TLN1: variants seen among roughly 807,000 people sequenced by gnomAD.
TLN1 encodes talin 1, also known as talin-1.
In TLN1, 56 loss-of-function variants were observed where a neutral mutation model predicts 292.3. That is an observed-to-expected ratio of 0.19 (90% CI 0.15 to 0.24). The LOEUF is 0.24. TLN1 is among the 10% of genes least tolerant of loss of function. TLN1 has a pLI of 1.00. For missense variants in TLN1, 2,433 were observed against 3,248.2 expected, an observed-to-expected ratio of 0.75 and a Z score of 6.10; for synonymous variants, 1,119 against 1,253.7, an observed-to-expected ratio of 0.89 and a Z score of 2.27.
Position 35,711,094 on chromosome 9 carries a change from A to G in TLN1, c.4020-12T>C. ...TGTCAGTTACTGCCCTGGGAGTGAC[A>G]GAAAGTTGAGTGAAAAGGTGAATAG... is the stretch of plus-strand genomic sequence containing the variant. On this transcript the variant is annotated splice_polypyrimidine_tract_variant and intron_variant, in intron 30 of 56. Transcript: ENST00000314888. 1 of 1,614,054 alleles carries G rather than the reference A, an allele frequency of 6.2e-7. No individual in the cohort carries two copies. Among genetic ancestry groups the G allele is most frequent in the Non-Finnish European group, 8.5e-7 (1 of 1,179,896 alleles).
At chr9:35,725,112 G>C in intron 3 of TLN1, 112 bp downstream of exon 3, 1 of 1,530,674 alleles carries the variant, frequency 6.5e-7, no homozygotes, top group Non-Finnish European at 9.0e-7. Context: ...TTAATAGGAA[G>C]AAAGCATGGG....
intron 21 of TLN1, 56 bp downstream of exon 21, chr9:35,715,003 A>T (rs1442098032): frequency 1.9e-6 from 3 of 1,611,844 alleles, no homozygotes; most frequent in African/African-American, 1.3e-5. Context: ...CTTTCAGTTC[A>T]TTCCTCCCAC....
chr9:35,711,786 G>A lies in TLN1; in HGVS notation c.3688C>T (p.Pro1230Ser). Reference sequence around the variant, plus strand: ...GCTTCTTGAAATGTCCCAGTGCTAGGAGGAAGCTGCAAGGTGAGAGGGGAA... The same window carrying A: ...GCTTCTTGAAATGTCCCAGTGCTAGAAGGAAGCTGCAAGGTGAGAGGGGAA... ...SKRLLSDSLP[P>S]STGTFQEAQS... The change falls in exon 29 of 57, where the codon CCT becomes TCT. Residue 1230 changes from proline to serine, a missense_variant. By Grantham distance (74) the Pro-to-Ser change is moderately conservative. Coordinates refer to ENST00000314888, the MANE Select transcript of TLN1 (RefSeq NM_006289.4). The A allele has an allele frequency of 6.2e-7, 1 of 1,614,044 alleles. No individual in the cohort carries two copies. Among genetic ancestry groups the A allele is most frequent in the Non-Finnish European group, 8.5e-7 (1 of 1,180,034 alleles).
chr9:35,707,146 G>C lies in TLN1; in HGVS notation c.4881C>G (p.Pro1627=). 6.2e-7 allele frequency: 1 copy of C among 1,610,392 alleles called. No individual in the cohort carries two copies. The highest frequency in any genetic ancestry group is 1.1e-5 in the South Asian group (1 of 90,892). The change falls in exon 37 of 57, where the codon CCC becomes CCG. Residue 1627 remains proline (P), a synonymous_variant. Transcript: ENST00000314888. The surrounding 1 kb of genome is among the most constrained non-coding windows in gnomAD (Gnocchi z 5.6). ...ARALAVNPRD[P]PSWSVLAGHS... ...GGCCGGCCAGCACCGACCAGCTCGG[G>C]GGGTCCCGGGGATTGACTGCGAGGG... is the stretch of plus-strand genomic sequence containing the variant.
chr9:35,728,510 C>T (rs1826016596), intron 1 of TLN1, among the ~76,000 whole-genome samples: 1 of 152,120 alleles, frequency 6.6e-6, no homozygotes. Flanking sequence ...ACAGCCCCTC[C>T]ATACTCAAAT....
At chr9:35,725,167 G>A (rs1825948299) in intron 3 of TLN1, 57 bp downstream of exon 3, 2 of 1,589,562 alleles carry the variant, frequency 1.3e-6, no homozygotes, top group African/African-American at 1.3e-5. Flanking sequence ...ACAGGAGGTG[G>A]AACAGGGAGA....
At position 35,724,655 on chromosome 9, in the gene TLN1, C is replaced by G. The variant is rs1168373512; in HGVS notation, c.428G>C (p.Gly143Ala). Residue 143 changes from glycine (G) to alanine (A), a missense_variant, in exon 5 of 57, where the codon GGG becomes GCG. This residue lies in a region of TLN1 where 155 missense variants were observed against 287.9 expected (regional missense o/e 0.54). Transcript: ENST00000314888. This position sits in a 1 kb window ranked among gnomAD's most constrained non-coding sequence, Gnocchi z 4.7. ...LMEEKKEEIT[G>A]TLRKDKTLLR... ...CAATGTCTTGTCCTTTCTTAAGGTCCCTGTTATTTCCTCCTTTTTCTCTTC... is the reference window on the plus strand; with the variant it reads ...CAATGTCTTGTCCTTTCTTAAGGTCGCTGTTATTTCCTCCTTTTTCTCTTC... 1 of 1,614,120 alleles carries G rather than the reference C, an allele frequency of 6.2e-7. No homozygotes were observed. The highest frequency in any genetic ancestry group is 1.1e-5 in the South Asian group (1 of 91,076).
intron 1 of TLN1, among the ~76,000 whole-genome samples, chr9:35,731,596 C>T (rs1158934623): frequency 6.6e-6 from 1 of 152,150 alleles, no homozygotes; most frequent in Non-Finnish European, 1.5e-5. Context: ...ACCCTGAACT[C>T]AAATTATGAC....
chr9:35,717,009 T>C lies in TLN1; in HGVS notation c.2458+137A>G, dbSNP rs988226536. On this transcript the variant is annotated intron_variant, in intron 19 of 56. Coordinates refer to ENST00000314888, the MANE Select transcript of TLN1 (RefSeq NM_006289.4). The surrounding 1 kb of genome is among the most constrained non-coding windows in gnomAD (Gnocchi z 4.7). ...GTTCAGAGAGCTTTAATGATGAGCC[T>C]ATGGTTGTGTGGCTGGCAAGCCCAC... is the stretch of plus-strand genomic sequence containing the variant. 114 of 933,544 alleles carry C rather than the reference T, an allele frequency of 1.2e-4. 1 individual carries two copies. In the South Asian group the frequency reaches 2.0e-3, roughly 16 times the overall value. 57.8% of individuals were successfully genotyped at this position (933,544 alleles called of 1,614,324 possible).
At chr9:35,712,610 T>G (rs1167310051) in intron 27 of TLN1, among the ~76,000 whole-genome samples, 1 of 144,924 alleles carries the variant, frequency 6.9e-6, no homozygotes, top group Non-Finnish European at 1.5e-5. Flanking sequence ...ATTGCGCCAT[T>G]GCACTCCAGC....
In TLN1 at chr9:35,704,517, A is replaced by G. The variant is rs964574239; in HGVS notation, c.5881-19T>C. The G allele has an allele frequency of 2.5e-6, 4 of 1,596,142 alleles. No individual in the cohort carries two copies. The highest frequency in any genetic ancestry group is 1.3e-5 in the African/African-American group (1 of 74,648). On this transcript the variant is annotated intron_variant, in intron 44 of 56. Coordinates refer to ENST00000314888, the MANE Select transcript of TLN1 (RefSeq NM_006289.4). The surrounding 1 kb of genome is among the most constrained non-coding windows in gnomAD (Gnocchi z 6.9). ...GGGAGACCTGGGTAGGGAATGTCACATGGTGACTGTGGAAGGTGCCATGTG... is the reference window on the plus strand; with the variant it reads ...GGGAGACCTGGGTAGGGAATGTCACGTGGTGACTGTGGAAGGTGCCATGTG...
chr9:35,707,465 C>G lies in TLN1; in HGVS notation c.4656G>C (p.Glu1552Asp), dbSNP rs754832772. 4 of 1,614,048 alleles carry G rather than the reference C, an allele frequency of 2.5e-6. No homozygotes were observed. The African/African-American group carries it at 5.3e-5, about 22-fold the overall frequency. The change falls in exon 36 of 57, where the codon GAG (glutamate) becomes GAC (aspartate). Residue 1552 changes from glutamate (E) to aspartate (D), a missense_variant. Physicochemically the swap from Glu to Asp is conservative, Grantham distance 45 (BLOSUM62 2). Around this residue, in one of 7 missense-constraint regions of TLN1, gnomAD observed 1,384 missense variants for 1,699.6 expected, o/e 0.81. Coordinates refer to ENST00000314888, the MANE Select transcript of TLN1 (RefSeq NM_006289.4). The surrounding 1 kb of genome is among the most constrained non-coding windows in gnomAD (Gnocchi z 5.6). ...CTGCTCGGCACTGGGCACGGTTCTC[C>G]TCTGTGAAGGCCCCATCTAGCGCCT... ...TIKALDGAFT[E>D]ENRAQCRAAT... is the part of the protein sequence containing the mutation.
In TLN1 at chr9:35,700,193, T is replaced by C. The variant is rs1260409827; in HGVS notation, c.6658A>G (p.Lys2220Glu). The C allele has an allele frequency of 3.1e-6, 5 of 1,599,474 alleles. No individual in the cohort carries two copies. The Admixed American group carries it at 6.7e-5, about 21-fold the overall frequency. Residue 2220 changes from lysine (K) to glutamate (E), a missense_variant and splice_region_variant, in exon 49 of 57, where the codon AAG becomes GAG. Coordinates refer to ENST00000314888, the MANE Select transcript of TLN1 (RefSeq NM_006289.4). ...RAIADMLRACKEAAYHPEVAP... is the reference protein window; with the variant it reads ...RAIADMLRACEEAAYHPEVAP... The stretch of plus-strand genomic sequence containing the variant: ...GGAAATGCCTCAAGGATTTCTACCT[T>C]GCAAGCCCGAAGCATATCTGCAATA...
intron 9 of TLN1, 75 bp downstream of exon 9, chr9:35,722,044 G>A: frequency 1.4e-6 from 2 of 1,419,588 alleles, no homozygotes; most frequent in Non-Finnish European, 2.0e-6. Flanking sequence ...CTGAGGGCAA[G>A]GCCAGAGACT....
intron 1 of TLN1, among the ~76,000 whole-genome samples, chr9:35,731,830 C>T (rs1478740980): frequency 6.6e-6 from 1 of 152,138 alleles, no homozygotes; most frequent in African/African-American, 2.4e-5. Context: ...CGCCCTGCGC[C>T]CCGCTGCCAC....
At chr9:35,713,439 G>A (rs1054104933) in intron 25 of TLN1, 141 bp from the exon 26 acceptor site, 25 of 620,670 alleles carry the variant, frequency 4.0e-5, no homozygotes, top group African/African-American at 2.7e-4. Flanking sequence ...ATCCTAGCAC[G>A]TTGGGAGGCT....
In TLN1 at chr9:35,719,737, T is replaced by TA. The variant is rs1254877592; in HGVS notation, c.1578+2dup. On this transcript the variant is annotated splice_region_variant and intron_variant, in intron 14 of 56. Coordinates refer to ENST00000314888, the MANE Select transcript of TLN1 (RefSeq NM_006289.4). The surrounding 1 kb of genome is among the most constrained non-coding windows in gnomAD (Gnocchi z 4.6). ...ACCGGCCTCTCCTCCATCCCATACT[T>TA]ACAGCATCCTGGCCAAGAGGCGGCA... 1 of 1,610,074 alleles carries TA rather than the reference T, an allele frequency of 6.2e-7. No individual in the cohort carries two copies. Among genetic ancestry groups the TA allele is most frequent in the Non-Finnish European group, 8.5e-7 (1 of 1,177,962 alleles).
chr9:35,722,296 C>T, intron 8 of TLN1, 73 bp from the exon 9 acceptor site: 1 of 1,303,994 alleles, frequency 7.7e-7, no homozygotes, highest in Non-Finnish European at 1.1e-6. Flanking sequence ...TGGATGCTAA[C>T]TCTAACGAGA....
At chr9:35,720,733 T>C (rs1427951463) in intron 11 of TLN1, 79 bp downstream of exon 11, 1 of 1,394,512 alleles carries the variant, frequency 7.2e-7, no homozygotes, top group Non-Finnish European at 1.0e-6. Context: ...TCAAGCAATC[T>C]GAGTGCCCAT....
Sources: allele counts gnomAD v4.1 joint callset (sites outside exome capture counted in the v4.1 genomes callset), GRCh38; gene constraint gnomAD v4.1.1; regional missense constraint gnomAD v4.1.1; non-coding constraint Gnocchi (gnomAD v3.1); transcripts MANE v1.5; gene names NCBI Gene and HGNC (gene_info 2026-07-23, HGNC 2026-07-21).